The following NCOA7 variants were observed in gnomAD, a reference collection of about 807,000 sequenced individuals.
NCOA7 encodes nuclear receptor coactivator 7.
In NCOA7, 45 loss-of-function variants were observed where a neutral mutation model predicts 104.3. The ratio of observed to expected loss-of-function variants is 0.43; its 90% CI spans 0.34 to 0.55. The LOEUF (loss-of-function observed/expected upper bound fraction) is 0.55, where lower values mean the gene tolerates loss of function less well. Ranked by LOEUF, NCOA7 falls within the 20% of genes least tolerant of loss-of-function variation. The probability of loss-of-function intolerance (pLI) is 0.02; values close to 1 mark genes in which losing one functional copy is unlikely to be tolerated. For missense variants in NCOA7, 1,041 were observed against 1,119.7 expected, an observed-to-expected ratio of 0.93 and a Z score of 1.00; for synonymous variants, 398 against 402.3, an observed-to-expected ratio of 0.99 and a Z score of 0.13.
chr6:125,879,574 A>G (rs1783651090), intron 5 of NCOA7, among the ~76,000 whole-genome samples: 1 of 152,038 alleles, frequency 6.6e-6, no homozygotes, highest in African/African-American at 2.4e-5. Context: ...TGTCTCAAAT[A>G]TTTTCTGGAT....
intron 3 of NCOA7, among the ~76,000 whole-genome samples, chr6:125,871,477 C>A (rs893641861): frequency 6.6e-6 from 1 of 152,210 alleles, no homozygotes; most frequent in African/African-American, 2.4e-5. Flanking sequence ...ACAATTATTT[C>A]TGAAGTAATA....
chr6:125,927,000 C>T (rs1488609421), intron 13 of NCOA7, among the ~76,000 whole-genome samples: 2 of 152,108 alleles, frequency 1.3e-5, no homozygotes, highest in South Asian at 2.1e-4. Context: ...AGAAAAAGTA[C>T]AAGAACCATT....
chr6:125,840,246 A>G (rs1780003177), intron 2 of NCOA7, among the ~76,000 whole-genome samples: 1 of 152,134 alleles, frequency 6.6e-6, no homozygotes, highest in African/African-American at 2.4e-5. Context: ...GCATATAAAG[A>G]AAATATTTTT....
In NCOA7 at chr6:125,829,094, T is replaced by C. The variant is rs144505773; in HGVS notation, c.50+13690T>C. 3.1e-3 allele frequency among the ~76,000 whole-genome samples: 479 copies of C among 152,164 alleles called. 6 individuals carry two copies. The highest frequency in any genetic ancestry group is 0.011 in the African/African-American group (466 of 41,578). On this transcript the variant is annotated intron_variant, in intron 2 of 15. Transcript: ENST00000392477. The stretch of plus-strand genomic sequence containing the variant: ...AATATCTTAGATGAAAACATTAATT[T>C]AGAAATTTTAGAATTTATATTTAAA...
chr6:125,872,982 A>T (rs1481588669), intron 3 of NCOA7, among the ~76,000 whole-genome samples: 1 of 152,192 alleles, frequency 6.6e-6, no homozygotes, highest in East Asian at 1.9e-4. Flanking sequence ...CATCTATTTA[A>T]ATTTATTTTT....
At chr6:125,839,743 C>T (rs1203390838) in intron 2 of NCOA7, among the ~76,000 whole-genome samples, 3 of 152,060 alleles carry the variant, frequency 2.0e-5, no homozygotes, top group East Asian at 1.9e-4. Context: ...TATGATGGGG[C>T]TAACAAATTC....
rs193295375 is a variant in NCOA7 at position 125,862,341 on chromosome 6, A to G, written c.271+7101A>G. Among the ~76,000 whole-genome samples the G allele has an allele frequency of 2.9e-5, 4 of 138,332 alleles. 1 individual carries two copies. The allele number at this position is 138,332 out of a possible 152,430, so 90.8% of individuals were successfully genotyped here. ...GATAAAGAGATGATCTTTTTAAAAC[A>G]TTATCTACAAAGGAGCAAAGAAAAA... On this transcript the variant is annotated intron_variant, in intron 3 of 15. Coordinates refer to ENST00000392477, the MANE Select transcript of NCOA7 (RefSeq NM_181782.5).
chr6:125,846,766 T>C (rs996835873), intron 2 of NCOA7, among the ~76,000 whole-genome samples: 1 of 152,246 alleles, frequency 6.6e-6, no homozygotes, highest in Non-Finnish European at 1.5e-5. Context: ...GAATTCCCGC[T>C]CCACAACTAA....
intron 3 of NCOA7, among the ~76,000 whole-genome samples, chr6:125,874,345 G>A (rs1783188582): frequency 6.6e-6 from 1 of 152,140 alleles, no homozygotes; most frequent in Admixed American, 6.5e-5. Flanking sequence ...CCGAAAAATA[G>A]TAAAATCCGT....
rs59737297 is a variant in NCOA7 at position 125,805,087 on chromosome 6, CTTTTTTTTTTTTTT to C, written c.-64-10189_-64-10176del. On this transcript the variant is annotated intron_variant, in intron 1 of 15. Coordinates refer to ENST00000392477, the MANE Select transcript of NCOA7 (RefSeq NM_181782.5). ...ATAAAGCTGGGTTCACCCTCTTGTT[CTTTTTTTTTTTTTT>C]TTTTTTTTTTTTTTGACAGAGTCTC... Among the ~76,000 whole-genome samples the C allele has an allele frequency of 4.8e-3, 278 of 58,042 alleles. 3 individuals carry two copies. The highest frequency in any genetic ancestry group is 0.014 in the South Asian group (20 of 1,476). 38.1% of individuals were successfully genotyped at this position (58,042 alleles called of 152,430 possible). A position where few individuals can be genotyped will look rare whatever the true frequency, so the allele number is the denominator to read the frequency against.
At chr6:125,921,520 C>T (rs1441323794) in intron 12 of NCOA7, among the ~76,000 whole-genome samples, 1 of 152,156 alleles carries the variant, frequency 6.6e-6, no homozygotes, top group East Asian at 1.9e-4. Context: ...GCCAGTGCCC[C>T]CTGCTCTGCC....
At chr6:125,795,366 C>A (rs1240306772) in intron 1 of NCOA7, among the ~76,000 whole-genome samples, 1 of 152,166 alleles carries the variant, frequency 6.6e-6, no homozygotes, top group Non-Finnish European at 1.5e-5. Context: ...GTAGTATCCT[C>A]ATGGTTCAAA....
At chr6:125,894,609 CA>C (rs1784863976) in intron 10 of NCOA7, among the ~76,000 whole-genome samples, 1 of 152,160 alleles carries the variant, frequency 6.6e-6, no homozygotes, top group Non-Finnish European at 1.5e-5. Context: ...ATACCTTACA[CA>C]TTCATCATCA....
At chr6:125,911,855 G>A (rs1786591887) in intron 10 of NCOA7, among the ~76,000 whole-genome samples, 1 of 152,094 alleles carries the variant, frequency 6.6e-6, no homozygotes, top group Non-Finnish European at 1.5e-5. Context: ...CACATCTTGA[G>A]GGCATCCACA....
At position 125,889,884 on chromosome 6, in the gene NCOA7, G is replaced by C; in HGVS notation, c.1830G>C (p.Leu610Phe). 6.2e-7 allele frequency: 1 copy of C among 1,611,994 alleles called. No homozygotes were observed. The highest frequency in any genetic ancestry group is 8.5e-7 in the Non-Finnish European group (1 of 1,179,464). ...NVIKEALDSS[L>F]ESTLDNSCQG... ...TTAAAGAGGCTCTAGACTCCTCTTT[G>C]GAATCTACTCTGGACAACAGCTGTC... The change falls in exon 9 of 16, where the codon TTG becomes TTC. Residue 610 changes from leucine to phenylalanine, a missense_variant. This residue lies in a region of NCOA7 where 914 missense variants were observed against 942.7 expected (regional missense o/e 0.97). Coordinates refer to ENST00000392477, the MANE Select transcript of NCOA7 (RefSeq NM_181782.5).
intron 10 of NCOA7, among the ~76,000 whole-genome samples, chr6:125,895,319 A>C (rs1384553354): frequency 6.6e-6 from 1 of 152,228 alleles, no homozygotes; most frequent in Admixed American, 6.5e-5. Context: ...TTTGTATAAT[A>C]AGTAAACTAA....
chr6:125,791,588 C>T (rs1210156903), intron 1 of NCOA7, among the ~76,000 whole-genome samples: 1 of 152,172 alleles, frequency 6.6e-6, no homozygotes, highest in African/African-American at 2.4e-5. Context: ...ACCGTCAACA[C>T]GTTAGGGCCA....
In NCOA7 at chr6:125,885,265, T is replaced by C; in HGVS notation, c.806T>C (p.Ile269Thr). ...AATGGGTGTGAGGAGTATGGTCTCA[T>C]CTGCCCCATGGAAGAGGTTGTTTCC... is the stretch of plus-strand genomic sequence containing the variant. ...IENGCEEYGL[I>T]CPMEEVVSIA... The change falls in exon 8 of 16, where the codon ATC becomes ACC. Residue 269 changes from isoleucine (I) to threonine (T), a missense_variant. Around this residue, in one of 2 missense-constraint regions of NCOA7, gnomAD observed 914 missense variants for 942.7 expected, o/e 0.97. Coordinates refer to ENST00000392477, the MANE Select transcript of NCOA7 (RefSeq NM_181782.5). 1 of 1,614,092 alleles carries C rather than the reference T, an allele frequency of 6.2e-7. No homozygotes were observed. Among genetic ancestry groups the C allele is most frequent in the South Asian group, 1.1e-5 (1 of 91,082 alleles).
At chr6:125,890,510 A>C in intron 9 of NCOA7, 132 bp from the exon 10 acceptor site, 1 of 873,132 alleles carries the variant, frequency 1.1e-6, no homozygotes, top group Non-Finnish European at 1.7e-6. Context: ...ATTAGTCCTG[A>C]TACGATGTTG....
Sources: allele counts gnomAD v4.1 joint callset (sites outside exome capture counted in the v4.1 genomes callset), GRCh38; gene constraint gnomAD v4.1.1; regional missense constraint gnomAD v4.1.1; transcripts MANE v1.5; gene names NCBI Gene and HGNC (gene_info 2026-07-23, HGNC 2026-07-21).